Variants in PTPRJ observed in about 807,000 individuals in gnomAD.
PTPRJ encodes the protein receptor-type tyrosine-protein phosphatase eta.
PTPRJ carries 129 observed loss-of-function variants against 141.3 expected under a neutral mutation model. That is an observed-to-expected ratio of 0.91 (90% CI 0.79 to 1.06). The LOEUF is 1.06. PTPRJ is among the 50% of genes least tolerant of loss of function. The pLI, the probability that PTPRJ is intolerant of heterozygous loss-of-function variation, is 0.00. For synonymous variants in PTPRJ, 610 were observed against 640.5 expected (o/e 0.95, Z 0.72); for missense variants, 1,601 against 1,679.7 (o/e 0.95, Z 0.82).
chr11:48,073,770 G>A (rs551058162), intron 1 of PTPRJ, among the ~76,000 whole-genome samples: 3 of 151,592 alleles, frequency 2.0e-5, no homozygotes, highest in South Asian at 2.1e-4. Context: ...AAATTTCTAT[G>A]TATATGTGAT....
rs932522865 is a variant in PTPRJ at position 47,980,998 on chromosome 11, G to T, written c.86G>T (p.Arg29Leu). Reference sequence around the variant, plus strand: ...CTGCCGCTGCTGCTGCTGCTGCTGCGCCTGGGCCAGGTAAGCGCCGGGTGG... The same window carrying T: ...CTGCCGCTGCTGCTGCTGCTGCTGCTCCTGGGCCAGGTAAGCGCCGGGTGG... ...WALPLLLLLL[R>L]LGQILCAGGT... is the part of the protein sequence containing the mutation. Residue 29 changes from arginine (R) to leucine (L), a missense_variant, in exon 1 of 25, where the codon CGC becomes CTC. Arg to Leu is a moderately radical substitution (Grantham distance 102, BLOSUM62 -2). Transcript: ENST00000418331. 1.7e-6 allele frequency: 2 copies of T among 1,201,166 alleles called. No individual in the cohort carries two copies. Among genetic ancestry groups the T allele is most frequent in the East Asian group, 3.4e-5 (1 of 29,728 alleles). 74.4% of individuals were successfully genotyped at this position (1,201,166 alleles called of 1,614,324 possible).
chr11:48,088,369 G>C (rs1404647763), intron 1 of PTPRJ, among the ~76,000 whole-genome samples: 3 of 152,196 alleles, frequency 2.0e-5, no homozygotes, highest in Non-Finnish European at 2.9e-5. Context: ...GTTCCCTCTT[G>C]AAGGCTTGTA....
At chr11:48,134,549 T>C (rs1470912079) in intron 8 of PTPRJ, among the ~76,000 whole-genome samples, 1 of 152,164 alleles carries the variant, frequency 6.6e-6, no homozygotes, top group African/African-American at 2.4e-5. Context: ...AAAAAAAAAT[T>C]AATTTTGGAG....
intron 6 of PTPRJ, among the ~76,000 whole-genome samples, chr11:48,126,372 C>T (rs779657879): frequency 6.6e-6 from 1 of 152,012 alleles, no homozygotes; most frequent in Non-Finnish European, 1.5e-5. Context: ...ATTATAGTAG[C>T]CTTTCCCTCT....
chr11:48,030,165 A>C (rs1032264826), intron 1 of PTPRJ, among the ~76,000 whole-genome samples: 1 of 152,190 alleles, frequency 6.6e-6, no homozygotes, highest in African/African-American at 2.4e-5. Context: ...GGGATTAAGA[A>C]GTGGGGGCAG....
chr11:48,016,008 C>T (rs905457506), intron 1 of PTPRJ, among the ~76,000 whole-genome samples: 1 of 152,212 alleles, frequency 6.6e-6, no homozygotes, highest in Non-Finnish European at 1.5e-5. Context: ...TTAGGATCCA[C>T]TGCAAGGTTC....
At chr11:48,152,343 A>G (rs1857503798) in intron 18 of PTPRJ, among the ~76,000 whole-genome samples, 1 of 152,140 alleles carries the variant, frequency 6.6e-6, no homozygotes, top group African/African-American at 2.4e-5. Flanking sequence ...GTTTCTGGAT[A>G]TTAGCCCTTT....
At chr11:47,985,070 C>A (rs1854013474) in intron 1 of PTPRJ, among the ~76,000 whole-genome samples, 1 of 150,746 alleles carries the variant, frequency 6.6e-6, no homozygotes, top group Admixed American at 6.6e-5. Flanking sequence ...CCAGGATGGT[C>A]TTGATCTCCT....
chr11:48,053,542 T>C (rs1212160448), intron 1 of PTPRJ, among the ~76,000 whole-genome samples: 1 of 134,666 alleles, frequency 7.4e-6, no homozygotes, highest in Non-Finnish European at 1.5e-5. Flanking sequence ...TATAATATTA[T>C]ATATTTTATA....
Position 48,052,849 on chromosome 11 carries a change from G to A in PTPRJ, c.97-57209G>A, listed in dbSNP as rs75065324. The stretch of plus-strand genomic sequence containing the variant: ...GGCAGAAATGGAGAAACTAGTAATG[G>A]CTGAGCAGCTGTGCCCTCTCCACCA... On this transcript the variant is annotated intron_variant, in intron 1 of 24. Coordinates refer to ENST00000418331, the MANE Select transcript of PTPRJ (RefSeq NM_002843.4). Among the ~76,000 whole-genome samples, 1,188 of 151,776 alleles carry A rather than the reference G, an allele frequency of 7.8e-3. 15 individuals are homozygous for A. Among genetic ancestry groups the A allele is most frequent in the African/African-American group, 0.027 (1,137 of 41,376 alleles).
intron 1 of PTPRJ, among the ~76,000 whole-genome samples, chr11:48,089,529 A>C (rs542469330): frequency 9.2e-5 from 14 of 151,766 alleles, no homozygotes; most frequent in African/African-American, 3.4e-4. Flanking sequence ...AAAAAAAAAA[A>C]AAACAAAAAA....
chr11:48,029,406 G>A (rs765342616), intron 1 of PTPRJ, among the ~76,000 whole-genome samples: 6 of 152,200 alleles, frequency 3.9e-5, no homozygotes, highest in Non-Finnish European at 7.3e-5. Flanking sequence ...GGAAAACAGG[G>A]AGAATTACTT....
chr11:47,993,380 C>T (rs1369731487), intron 1 of PTPRJ, among the ~76,000 whole-genome samples: 1 of 152,142 alleles, frequency 6.6e-6, no homozygotes, highest in Non-Finnish European at 1.5e-5. Context: ...GCAGCCTCCA[C>T]CTCCTGGGTT....
intron 1 of PTPRJ, among the ~76,000 whole-genome samples, chr11:48,054,779 C>T (rs1854709572): frequency 6.6e-6 from 1 of 151,364 alleles, no homozygotes; most frequent in Admixed American, 6.6e-5. Flanking sequence ...TTATTTAACT[C>T]CTCTGAGTGT....
chr11:48,128,724 A>G (rs896010730), intron 7 of PTPRJ, among the ~76,000 whole-genome samples: 19 of 152,142 alleles, frequency 1.2e-4, no homozygotes, highest in African/African-American at 4.6e-4. Context: ...TTTACAGATG[A>G]GGAAATGACA....
intron 16 of PTPRJ, 21 bp from the exon 17 acceptor site, chr11:48,149,969 C>T (rs201131933): frequency 7.0e-7 from 1 of 1,432,584 alleles, no homozygotes; most frequent in Non-Finnish European, 9.7e-7. Context: ...CATATTTTTT[C>T]TTTCCCTTTC....
intron 3 of PTPRJ, among the ~76,000 whole-genome samples, chr11:48,117,540 C>CAAAAAAAAAA (rs71045545): frequency 5.1e-5 from 1 of 19,696 alleles, no homozygotes; most frequent in Non-Finnish European, 7.9e-5. Context: ...GATTCTGTCT[C>CAAAAAAAAAA]AAAAAAAAAA....
chr11:48,145,231 G>T (rs1211296033), intron 14 of PTPRJ, 107 bp downstream of exon 14: 3 of 1,481,472 alleles, frequency 2.0e-6, no homozygotes, highest in Non-Finnish European at 2.8e-6. Context: ...AGGAGGGTTG[G>T]TGTGCCCAGC....
chr11:48,146,946 C>G lies in PTPRJ; in HGVS notation c.2982C>G (p.Ile994Met), dbSNP rs745818199. 2.5e-6 allele frequency: 4 copies of G among 1,613,840 alleles called. No individual in the cohort carries two copies. The African/African-American group carries it at 5.3e-5, about 22-fold the overall frequency. Residue 994 changes from isoleucine (I) to methionine (M), a missense_variant, in exon 15 of 25, where the codon ATC becomes ATG. Physicochemically the swap from Ile to Met is conservative, Grantham distance 10. Transcript: ENST00000418331. ...ALVIVTVGGFIFWRKKRKDAK... is the reference protein window; with the variant it reads ...ALVIVTVGGFMFWRKKRKDAK... ...TTATTGTGACTGTGGGAGGCTTCAT[C>G]TTCTGGAGAAAGAAGAGGTGATATT...
Sources: allele counts gnomAD v4.1 joint callset (sites outside exome capture counted in the v4.1 genomes callset), GRCh38; gene constraint gnomAD v4.1.1; transcripts MANE v1.5; gene names NCBI Gene and HGNC (gene_info 2026-07-23, HGNC 2026-07-21).